Variants in CHIC2 observed in about 807,000 individuals in gnomAD.
The protein encoded by CHIC2 is cysteine rich hydrophobic domain 2, also known as cysteine-rich hydrophobic domain-containing protein 2.
A neutral mutation model predicts 25.9 loss-of-function variants in CHIC2; 14 were observed. The ratio of observed to expected loss-of-function variants is 0.54; its 90% CI spans 0.36 to 0.85. The LOEUF (loss-of-function observed/expected upper bound fraction) is 0.85, where lower values mean the gene tolerates loss of function less well. CHIC2 is among the 40% of genes least tolerant of loss of function. CHIC2 has a pLI of 0.01. For synonymous variants in CHIC2, 70 were observed against 72.0 expected (o/e 0.97, Z 0.14); for missense variants, 146 against 202.0 (o/e 0.72, Z 1.68).
At chr4:54,074,731 ATTTC>A in the CHIC2 span, among the ~76,000 whole-genome samples, 1 of 152,026 alleles carries the variant, frequency 6.6e-6, no homozygotes, top group African/African-American at 2.4e-5. Flanking sequence ...TACTTTTCAA[ATTTC>A]TTTCTTTTCT....
the CHIC2 span, among the ~76,000 whole-genome samples, chr4:54,073,254 T>C: frequency 6.6e-6 from 1 of 152,150 alleles, no homozygotes; most frequent in Non-Finnish European, 1.5e-5. Context: ...TCTGACTAGA[T>C]GGTGTGACTT....
intron 3 of CHIC2, among the ~76,000 whole-genome samples, chr4:54,034,367 C>T (rs1189652226): frequency 2.0e-5 from 3 of 151,686 alleles, no homozygotes; most frequent in African/African-American, 7.3e-5. Flanking sequence ...TCACACCAAT[C>T]CAGTTCAGCC....
chr4:54,049,381 C>G, intron 1 of CHIC2, 76 bp from the exon 2 acceptor site: 1 of 915,758 alleles, frequency 1.1e-6, no homozygotes. Context: ...ATTTAAAGGT[C>G]AAGTCAATAG....
upstream of CHIC2, among the ~76,000 whole-genome samples, chr4:54,066,288 A>G (rs763908767): frequency 1.4e-4 from 21 of 152,160 alleles, no homozygotes; most frequent in Non-Finnish European, 2.8e-4. Flanking sequence ...AGGGCTTAAG[A>G]TCGGTGAAGT....
the CHIC2 span, among the ~76,000 whole-genome samples, chr4:54,090,716 A>G: frequency 2.0e-4 from 31 of 152,142 alleles, no homozygotes; most frequent in Non-Finnish European, 7.4e-5. Context: ...TATTATTTCC[A>G]TGGTCAGAGA....
the CHIC2 span, among the ~76,000 whole-genome samples, chr4:54,085,583 C>T: frequency 6.6e-6 from 1 of 152,208 alleles, no homozygotes; most frequent in Non-Finnish European, 1.5e-5. Context: ...TCCAAATGAG[C>T]TCTAGCTAAC....
At chr4:54,028,007 T>C (rs1716115180) in intron 3 of CHIC2, among the ~76,000 whole-genome samples, 1 of 152,208 alleles carries the variant, frequency 6.6e-6, no homozygotes, top group Admixed American at 6.5e-5. Flanking sequence ...TATATTTTTC[T>C]CCTATACCCA....
intron 3 of CHIC2, among the ~76,000 whole-genome samples, chr4:54,025,034 A>C (rs1577967051): frequency 6.7e-6 from 1 of 149,746 alleles, no homozygotes; most frequent in East Asian, 2.0e-4. Flanking sequence ...TCTCCATACC[A>C]CCCGCCCCCC....
chr4:54,014,171 T>C, intron 3 of CHIC2, 52 bp from the exon 4 acceptor site: 1 of 1,537,660 alleles, frequency 6.5e-7, no homozygotes, highest in Non-Finnish European at 9.0e-7. Context: ...TAGAAAACTT[T>C]GTTTTGCAGC....
intron 3 of CHIC2, among the ~76,000 whole-genome samples, chr4:54,045,452 T>C (rs1326147072): frequency 6.6e-6 from 1 of 152,128 alleles, no homozygotes; most frequent in Non-Finnish European, 1.5e-5. Flanking sequence ...TTATCCACCA[T>C]GATCAAGTGG....
intron 3 of CHIC2, among the ~76,000 whole-genome samples, chr4:54,014,532 CA>C (rs917588125): frequency 6.6e-6 from 1 of 151,738 alleles, no homozygotes; most frequent in Non-Finnish European, 1.5e-5. Context: ...AGTTCCAAAA[CA>C]AAAAATTGGA....
At chr4:54,042,790 G>A (rs917145798) in intron 3 of CHIC2, among the ~76,000 whole-genome samples, 4 of 152,090 alleles carry the variant, frequency 2.6e-5, no homozygotes, top group African/African-American at 4.8e-5. Flanking sequence ...TAGAAAAAAG[G>A]AATATTAGAA....
At chr4:54,059,011 T>C (rs1717256434) in intron 1 of CHIC2, among the ~76,000 whole-genome samples, 1 of 152,172 alleles carries the variant, frequency 6.6e-6, no homozygotes, top group Non-Finnish European at 1.5e-5. Flanking sequence ...TTGGACCAAA[T>C]GTCATATAAA....
chr4:54,056,700 T>C (rs914161777), intron 1 of CHIC2, among the ~76,000 whole-genome samples: 4 of 152,268 alleles, frequency 2.6e-5, no homozygotes, highest in Admixed American at 6.5e-5. Flanking sequence ...AAGTAGATAG[T>C]GGGAGAGAAA....
At chr4:54,042,653 T>A (rs553190384) in intron 3 of CHIC2, among the ~76,000 whole-genome samples, 2 of 151,806 alleles carry the variant, frequency 1.3e-5, no homozygotes, top group Non-Finnish European at 2.9e-5. Flanking sequence ...AATGCCCACA[T>A]AGCAGAAGGG....
intron 1 of CHIC2, among the ~76,000 whole-genome samples, chr4:54,056,980 C>A (rs556943538): frequency 3.9e-5 from 6 of 152,114 alleles, no homozygotes; most frequent in African/African-American, 1.4e-4. Context: ...ACTAGCTGCC[C>A]CAGCAGCAGA....
chr4:54,078,555 C>A, the CHIC2 span, among the ~76,000 whole-genome samples: 1 of 151,770 alleles, frequency 6.6e-6, no homozygotes, highest in Non-Finnish European at 1.5e-5. Flanking sequence ...TGTCTCTGTC[C>A]CCAGGGCTGG....
chr4:54,016,160 A>G (rs1422418417), intron 3 of CHIC2, among the ~76,000 whole-genome samples: 2 of 152,176 alleles, frequency 1.3e-5, no homozygotes, highest in African/African-American at 4.8e-5. Flanking sequence ...CAAGTTTTCC[A>G]AGCCCACTGT....
intron 3 of CHIC2, among the ~76,000 whole-genome samples, chr4:54,038,061 C>T (rs1399975574): frequency 6.6e-6 from 1 of 151,998 alleles, no homozygotes; most frequent in East Asian, 1.9e-4. Flanking sequence ...AAAAACAACA[C>T]AGAAAATCAA....
Sources: gnomAD v4.1 joint callset for allele counts (sites outside exome capture counted in the v4.1 genomes callset) on GRCh38, gnomAD v4.1.1 for gene constraint, MANE v1.5 for transcripts, NCBI Gene and HGNC (gene_info 2026-07-23, HGNC 2026-07-21) for gene names.